The following UTP20 variants were observed in gnomAD, a reference collection of about 807,000 sequenced individuals.
UTP20 encodes the protein UTP20 small subunit processome component.
A neutral mutation model predicts 329.5 loss-of-function variants in UTP20; 164 were observed. That is an observed-to-expected ratio of 0.50 (90% CI 0.44 to 0.57). UTP20 has a LOEUF of 0.57. Ranked by LOEUF, UTP20 falls within the 20% of genes least tolerant of loss-of-function variation. UTP20 has a pLI of 0.00. For synonymous variants in UTP20, 1,151 were observed against 1,159.3 expected (o/e 0.99, Z 0.14); for missense variants, 3,055 against 3,284.2 (o/e 0.93, Z 1.71).
At chr12:101,305,521 C>T (rs1490754125) in intron 15 of UTP20, among the ~76,000 whole-genome samples, 1 of 146,998 alleles carries the variant, frequency 6.8e-6, no homozygotes. Flanking sequence ...ATGACAAACA[C>T]TTAATAAATA....
intron 15 of UTP20, among the ~76,000 whole-genome samples, chr12:101,303,192 C>T (rs907817564): frequency 6.6e-6 from 1 of 152,196 alleles, no homozygotes; most frequent in African/African-American, 2.4e-5. Context: ...TAATCATTTG[C>T]TTTTCTCACA....
At chr12:101,355,429 C>G (rs561024418) in intron 41 of UTP20, among the ~76,000 whole-genome samples, 2 of 152,186 alleles carry the variant, frequency 1.3e-5, no homozygotes, top group Non-Finnish European at 2.9e-5. Context: ...CCATTTTCTA[C>G]TTTCTGGTCA....
chr12:101,338,306 T>C, intron 30 of UTP20, 29 bp downstream of exon 30: 1 of 1,600,918 alleles, frequency 6.2e-7, no homozygotes, highest in East Asian at 2.2e-5. Flanking sequence ...CAGATAATTC[T>C]TAGACTTCTG....
rs762198453 is a variant in UTP20, at chr12:101,366,664, A to T, written c.6232A>T (p.Thr2078Ser). The change falls in exon 47 of 62, where the codon ACC (threonine) becomes TCC (serine). Residue 2078 changes from threonine (T) to serine (S), a missense_variant. Around this residue, in one of 3 missense-constraint regions of UTP20, gnomAD observed 2,445 missense variants for 2,575.5 expected, o/e 0.95. Transcript: ENST00000261637. ...ACAGAAAGCTGTTGTGAGCAGGAAAACCAACATGCACATATTTATTGAGTC... is the reference window on the plus strand; with the variant it reads ...ACAGAAAGCTGTTGTGAGCAGGAAATCCAACATGCACATATTTATTGAGTC... The part of the protein sequence containing the change: ...GGQKAVVSRK[T>S]NMHIFIESGL... 2.7e-5 allele frequency: 43 copies of T among 1,613,986 alleles called. No homozygotes were observed. The highest frequency in any genetic ancestry group is 3.6e-5 in the Non-Finnish European group (42 of 1,180,028).
intron 19 of UTP20, among the ~76,000 whole-genome samples, chr12:101,310,441 G>A (rs1371073041): frequency 6.6e-6 from 1 of 151,870 alleles, no homozygotes; most frequent in Non-Finnish European, 1.5e-5. Flanking sequence ...CAGTCATGGT[G>A]GCACATTCCT....
Position 101,306,685 on chromosome 12 carries a change from TTTAC to T in UTP20, c.1933-11_1933-8del, listed in dbSNP as rs1477484434. ...AAACTTTGGAATTTGAAAGATGCCT[TTTAC>T]TTTCTCCAGATTCGGCTTTTGACAA... is the stretch of plus-strand genomic sequence containing the variant. On this transcript the variant is annotated splice_polypyrimidine_tract_variant and intron_variant, in intron 16 of 61. Transcript: ENST00000261637. 1 of 1,597,546 alleles carries T rather than the reference TTTAC, an allele frequency of 6.3e-7. No individual in the cohort carries two copies.
Position 101,372,865 on chromosome 12 carries a change from GT to G in UTP20, c.6799-18del. ...AGAGGTGAGATCCAAATAATCATCT[GT>G]GTGACTTTTGTTCCTAGGTTTTTCT... On this transcript the variant is annotated intron_variant, in intron 51 of 61. Transcript: ENST00000261637. 1.3e-6 allele frequency: 2 copies of G among 1,597,558 alleles called. No homozygotes were observed. The highest frequency in any genetic ancestry group is 1.7e-6 in the Non-Finnish European group (2 of 1,164,992).
Position 101,289,005 on chromosome 12 carries a change from T to A in UTP20, c.561T>A (p.Asn187Lys). 6.2e-7 allele frequency: 1 copy of A among 1,613,900 alleles called. No homozygotes were observed. Among genetic ancestry groups the A allele is most frequent in the South Asian group, 1.1e-5 (1 of 91,070 alleles). Reference sequence around the variant, plus strand: ...CTCATAAAAAACTACATATAAGAAATTTTGCTGCTGAAAGTTTTACTTTTT... The same window carrying A: ...CTCATAAAAAACTACATATAAGAAAATTTGCTGCTGAAAGTTTTACTTTTT... ...LLAHKKLHIRNFAAESFTFLM... is the reference protein window; with the variant it reads ...LLAHKKLHIRKFAAESFTFLM... Residue 187 changes from asparagine to lysine, a missense_variant, in exon 6 of 62, where the codon AAT becomes AAA. By Grantham distance (94) the Asn-to-Lys change is moderately conservative (BLOSUM62 0). Around this residue, in one of 3 missense-constraint regions of UTP20, gnomAD observed 2,445 missense variants for 2,575.5 expected, o/e 0.95. Transcript: ENST00000261637.
chr12:101,317,286 G>A (rs1187923912), intron 21 of UTP20, among the ~76,000 whole-genome samples, 192 bp from the exon 22 acceptor site: 1 of 152,076 alleles, frequency 6.6e-6, no homozygotes, highest in Non-Finnish European at 1.5e-5. Flanking sequence ...TTAGTGAATC[G>A]CTTGTCAAAT....
At position 101,365,425 on chromosome 12, in the gene UTP20, T is replaced by G. The variant is rs573624810; in HGVS notation, c.5959-34T>G. The G allele has an allele frequency of 2.8e-4, 417 of 1,510,858 alleles. 7 individuals are homozygous for G. The South Asian group carries it at 4.9e-3, about 18-fold the overall frequency. The allele number at this position is 1,510,858 out of a possible 1,614,324, so 93.6% of individuals were successfully genotyped here. A position where few individuals can be genotyped will look rare whatever the true frequency, so the allele number is the denominator to read the frequency against. ...TGACAAATCAAAATGCATTTCTGTG[T>G]CATCTCAGCATGACATTTATGTTTT... On this transcript the variant is annotated intron_variant, in intron 45 of 61. Coordinates refer to ENST00000261637, the MANE Select transcript of UTP20 (RefSeq NM_014503.3).
Position 101,375,775 on chromosome 12 carries a change from A to G in UTP20, c.7396+19A>G, listed in dbSNP as rs758138910. The G allele has an allele frequency of 1.4e-6, 2 of 1,460,404 alleles. No individual in the cohort carries two copies. The highest frequency in any genetic ancestry group is 1.9e-6 in the Non-Finnish European group (2 of 1,058,848). 90.5% of individuals were successfully genotyped at this position (1,460,404 alleles called of 1,614,324 possible). ...ATCTGGAGTAAGTATTTCCTTTTTT[A>G]TTTAAATCAAACACATTTGTTGTCA... is the stretch of plus-strand genomic sequence containing the variant. On this transcript the variant is annotated intron_variant, in intron 56 of 61. Transcript: ENST00000261637.
At chr12:101,294,948 C>T (rs1222814292) in intron 11 of UTP20, among the ~76,000 whole-genome samples, 1 of 152,174 alleles carries the variant, frequency 6.6e-6, no homozygotes, top group Non-Finnish European at 1.5e-5. Context: ...TTATAAATGT[C>T]CTTCACATGA....
At chr12:101,289,375 T>TCA (rs140788608) in intron 6 of UTP20, among the ~76,000 whole-genome samples, 48,476 of 149,638 alleles carry the variant, frequency 0.32, 9,007 homozygotes, top group Non-Finnish European at 0.43. Flanking sequence ...AGACTCCATA[T>TCA]CACACACACA....
intron 42 of UTP20, 52 bp from the exon 43 acceptor site, chr12:101,356,874 T>G (rs1869739750): frequency 6.4e-7 from 1 of 1,564,370 alleles, no homozygotes; most frequent in African/African-American, 1.4e-5. Flanking sequence ...ATGTGTATGT[T>G]TAATTGCTTC....
intron 21 of UTP20, among the ~76,000 whole-genome samples, chr12:101,312,597 C>T (rs888535652): frequency 1.4e-4 from 22 of 152,318 alleles, no homozygotes; most frequent in Admixed American, 9.8e-4. Context: ...TGCGCCATCA[C>T]GCCTGGCTAA....
chr12:101,289,120 T>A, intron 6 of UTP20, 79 bp downstream of exon 6: 2 of 1,267,456 alleles, frequency 1.6e-6, no homozygotes, highest in Non-Finnish European at 1.1e-6. Flanking sequence ...CTCATGCCTG[T>A]AATCCCAACA....
chr12:101,368,409 G>A (rs1488318813), intron 48 of UTP20, among the ~76,000 whole-genome samples: 29 of 151,932 alleles, frequency 1.9e-4, no homozygotes, highest in Admixed American at 1.8e-3. Context: ...CTGGGATTAC[G>A]GGCATGAGCC....
intron 29 of UTP20, among the ~76,000 whole-genome samples, chr12:101,334,837 T>C (rs1868881707): frequency 6.6e-6 from 1 of 152,046 alleles, no homozygotes; most frequent in African/African-American, 2.4e-5. Flanking sequence ...TGGCTGGGCA[T>C]GTGGCGCATG....
At position 101,310,595 on chromosome 12, in the gene UTP20, A is replaced by AAAAAAAAG. The variant is rs1330692306; in HGVS notation, c.2231+759_2231+760insAAAAGAAA. 3.3e-4 allele frequency among the ~76,000 whole-genome samples: 40 copies of AAAAAAAAG among 121,716 alleles called. 2 individuals carry two copies. The highest frequency in any genetic ancestry group is 5.2e-3 in the Middle Eastern group (1 of 194). 79.9% of individuals were successfully genotyped at this position (121,716 alleles called of 152,430 possible). A position where few individuals can be genotyped will look rare whatever the true frequency, so the allele number is the denominator to read the frequency against. ...TGTCTCCCAAAAAAAAAAAAAAAAAAAAATACATGTTATGGCTCATGTGTA... is the reference window on the plus strand; with the variant it reads ...TGTCTCCCAAAAAAAAAAAAAAAAAAAAAAAAAGAAATACATGTTATGGCTCATGTGTA... On this transcript the variant is annotated intron_variant, in intron 19 of 61. Coordinates refer to ENST00000261637, the MANE Select transcript of UTP20 (RefSeq NM_014503.3).
Sources: gnomAD v4.1 joint callset for allele counts (sites outside exome capture counted in the v4.1 genomes callset) on GRCh38, gnomAD v4.1.1 for gene constraint, gnomAD v4.1.1 regional missense constraint, MANE v1.5 for transcripts, NCBI Gene and HGNC (gene_info 2026-07-23, HGNC 2026-07-21) for gene names.